Variants in FAT3 observed in about 807,000 individuals in gnomAD.
FAT3 encodes the protein protocadherin Fat 3.
Under a neutral mutation model 310.2 loss-of-function variants are expected in FAT3, and 95 were observed. That is an observed-to-expected ratio of 0.31 (90% CI 0.26 to 0.36). The LOEUF is 0.36. FAT3 is among the 10% of genes least tolerant of loss of function. The probability of loss-of-function intolerance (pLI) is 1.00; values close to 1 mark genes in which losing one functional copy is unlikely to be tolerated. For missense variants in FAT3, 5,408 were observed against 5,715.6 expected, an observed-to-expected ratio of 0.95 and a Z score of 1.74; for synonymous variants, 2,314 against 2,192.9, an observed-to-expected ratio of 1.06 and a Z score of -1.54.
At chr11:92,780,148 G>T (rs1946707564) in intron 7 of FAT3, among the ~76,000 whole-genome samples, 1 of 141,770 alleles carries the variant, frequency 7.1e-6, no homozygotes, top group Non-Finnish European at 1.5e-5. Context: ...TAAGTTTATG[G>T]TAACTTTTTT....
At chr11:92,596,167 G>A (rs553724345) in intron 3 of FAT3, among the ~76,000 whole-genome samples, 6 of 152,110 alleles carry the variant, frequency 3.9e-5, no homozygotes, top group South Asian at 2.1e-4. Context: ...TTCTTGGGGC[G>A]AGCCTACTCG....
chr11:92,639,972 C>T (rs1228307123), intron 3 of FAT3, among the ~76,000 whole-genome samples: 1 of 152,158 alleles, frequency 6.6e-6, no homozygotes, highest in Admixed American at 6.5e-5. Flanking sequence ...TTATACATGC[C>T]ACCTCCATAT....
At chr11:92,574,428 C>T (rs1458318) in intron 3 of FAT3, among the ~76,000 whole-genome samples, 53,809 of 151,974 alleles carry the variant, frequency 0.35, 10,436 homozygotes, top group Non-Finnish European at 0.45. Flanking sequence ...GGAGGGAGCC[C>T]TGTGTCTTGT....
intron 3 of FAT3, among the ~76,000 whole-genome samples, chr11:92,645,513 C>T (rs573148998): frequency 6.9e-6 from 1 of 144,770 alleles, no homozygotes; most frequent in Non-Finnish European, 1.5e-5. Context: ...AACAGGTAAA[C>T]ATCTTTTCAT....
chr11:92,459,591 A>C (rs549822398), intron 2 of FAT3, among the ~76,000 whole-genome samples: 2 of 152,312 alleles, frequency 1.3e-5, no homozygotes, highest in South Asian at 4.1e-4. Flanking sequence ...GCCTGGAAGA[A>C]GAGGTGTTTG....
chr11:92,731,853 CT>C lies in FAT3; in HGVS notation c.3670-30002del, dbSNP rs1945192417. On this transcript the variant is annotated intron_variant, in intron 4 of 27. Transcript: ENST00000525166. ...AATAATTTAAGGGAGGTGCTTTAGTCTCCTCAGTAAATTATATTGTGTCATA... is the reference window on the plus strand; with the variant it reads ...AATAATTTAAGGGAGGTGCTTTAGTCCCTCAGTAAATTATATTGTGTCATA... 2.0e-5 allele frequency among the ~76,000 whole-genome samples: 3 copies of C among 152,038 alleles called. No homozygotes were observed. The South Asian group carries it at 6.2e-4, about 32-fold the overall frequency.
At chr11:92,362,475 C>T (rs1353832154) in intron 2 of FAT3, among the ~76,000 whole-genome samples, 2 of 152,146 alleles carry the variant, frequency 1.3e-5, no homozygotes, top group African/African-American at 4.8e-5. Context: ...CTTGGTTCCA[C>T]CAATGGGAAC....
chr11:92,740,190 G>C (rs2136023816), intron 4 of FAT3, among the ~76,000 whole-genome samples: 1 of 152,254 alleles, frequency 6.6e-6, no homozygotes, highest in South Asian at 2.1e-4. Context: ...CTTTCACTCA[G>C]CAAAACAACT....
At chr11:92,398,383 C>A (rs910024097) in intron 2 of FAT3, among the ~76,000 whole-genome samples, 1 of 151,730 alleles carries the variant, frequency 6.6e-6, no homozygotes, top group Admixed American at 6.6e-5. Context: ...TGCCTGTAAT[C>A]CCAGCTACTT....
In FAT3 at chr11:92,882,922, A is replaced by G. The variant is rs2136410817; in HGVS notation, c.12466A>G (p.Ile4156Val). ...CTCCTACGTGGGGAAGGAGGAGCTCATCGGCATCGCCGTGGTCCTCTTCGT... is the reference window on the plus strand; with the variant it reads ...CTCCTACGTGGGGAAGGAGGAGCTCGTCGGCATCGCCGTGGTCCTCTTCGT... ...GHSYVGKEEL[I>V]GIAVVLFVIF... The change falls in exon 24 of 28, where the codon ATC (isoleucine) becomes GTC (valine). Residue 4156 changes from isoleucine (I) to valine (V), a missense_variant. Physicochemically the swap from Ile to Val is conservative, Grantham distance 29. Around this residue, in one of 5 missense-constraint regions of FAT3, gnomAD observed 649 missense variants for 666.2 expected, o/e 0.97. Coordinates refer to ENST00000525166, the MANE Select transcript of FAT3 (RefSeq NM_001367949.2). 6.2e-7 allele frequency: 1 copy of G among 1,613,108 alleles called. No homozygotes were observed. The highest frequency in any genetic ancestry group is 8.5e-7 in the Non-Finnish European group (1 of 1,179,584).
chr11:92,354,190 C>G lies in FAT3; in HGVS notation c.2078C>G (p.Ala693Gly), dbSNP rs1948659532. The change falls in exon 2 of 28, where the codon GCA becomes GGA. Residue 693 changes from alanine (A) to glycine (G), a missense_variant. Transcript: ENST00000525166. The part of the protein sequence containing the change: ...CRETRVAQKL[A>G]EKLLIKAKAN... The stretch of plus-strand genomic sequence containing the variant: ...GAAACTCGTGTGGCTCAAAAGCTGG[C>G]AGAGAAACTACTCATTAAGGCAAAA... The G allele has an allele frequency of 6.2e-7, 1 of 1,613,644 alleles. No individual in the cohort carries two copies. The highest frequency in any genetic ancestry group is 1.1e-5 in the South Asian group (1 of 91,088).
intron 2 of FAT3, among the ~76,000 whole-genome samples, chr11:92,492,344 C>T (rs1952631464): frequency 1.3e-5 from 2 of 151,962 alleles, no homozygotes; most frequent in Admixed American, 6.6e-5. Context: ...TGAGTCCTGG[C>T]TTTAGCATTT....
At chr11:92,429,493 G>C (rs572691435) in intron 2 of FAT3, among the ~76,000 whole-genome samples, 1 of 152,192 alleles carries the variant, frequency 6.6e-6, no homozygotes, top group Admixed American at 6.5e-5. Flanking sequence ...TTTACATTTT[G>C]GTATGATTTT....
intron 1 of FAT3, among the ~76,000 whole-genome samples, chr11:92,239,137 A>C (rs891670082): frequency 6.6e-6 from 1 of 152,186 alleles, no homozygotes; most frequent in East Asian, 1.9e-4. Flanking sequence ...TGACTTGCCC[A>C]AGGTAACATT....
chr11:92,643,988 A>T (rs1942054627), intron 3 of FAT3, among the ~76,000 whole-genome samples: 1 of 152,244 alleles, frequency 6.6e-6, no homozygotes, highest in Admixed American at 6.5e-5. Flanking sequence ...TTTTCAGTGC[A>T]TTGCAAAGGT....
intron 2 of FAT3, among the ~76,000 whole-genome samples, chr11:92,430,436 C>G (rs1457852347): frequency 6.6e-6 from 1 of 152,074 alleles, no homozygotes; most frequent in East Asian, 1.9e-4. Flanking sequence ...AATTTTCCGC[C>G]TTTTGCACTG....
At chr11:92,375,373 T>C (rs1006453436) in intron 2 of FAT3, among the ~76,000 whole-genome samples, 29 of 152,152 alleles carry the variant, frequency 1.9e-4, no homozygotes, top group Non-Finnish European at 4.0e-4. Context: ...ACTCCTAGGC[T>C]CAAGCTCTCC....
At chr11:92,289,904 T>G (rs2134390609) in intron 1 of FAT3, among the ~76,000 whole-genome samples, 1 of 152,272 alleles carries the variant, frequency 6.6e-6, no homozygotes, top group South Asian at 2.1e-4. Context: ...AAGGGTTTCC[T>G]GTCTAACTGA....
intron 18 of FAT3, among the ~76,000 whole-genome samples, chr11:92,843,381 A>G (rs1161610951): frequency 1.3e-5 from 2 of 152,218 alleles, no homozygotes; most frequent in Non-Finnish European, 2.9e-5. Flanking sequence ...GTTCATTCTT[A>G]CACATGGAAG....
Sources: allele counts gnomAD v4.1 joint callset (sites outside exome capture counted in the v4.1 genomes callset), GRCh38; gene constraint gnomAD v4.1.1; regional missense constraint gnomAD v4.1.1; transcripts MANE v1.5; gene names NCBI Gene and HGNC (gene_info 2026-07-23, HGNC 2026-07-21).